The following OSBPL5 variants were observed in gnomAD, a reference collection of about 807,000 sequenced individuals.
The protein encoded by OSBPL5 is oxysterol binding protein like 5.
In OSBPL5, 71 loss-of-function variants were observed where a neutral mutation model predicts 111.2. That is an observed-to-expected ratio of 0.64 (90% CI 0.53 to 0.78). OSBPL5 has a LOEUF of 0.78. Ranked by LOEUF, OSBPL5 falls within the 30% of genes least tolerant of loss-of-function variation. The probability of loss-of-function intolerance (pLI) is 0.00; values close to 1 mark genes in which losing one functional copy is unlikely to be tolerated. For missense variants in OSBPL5, 1,210 were observed against 1,189.3 expected (o/e 1.02, Z -0.26); for synonymous variants, 549 against 513.9 (o/e 1.07, Z -0.93).
In OSBPL5 at chr11:3,129,051, A is replaced by T; in HGVS notation, c.98T>A (p.Leu33His). The T allele has an allele frequency of 6.3e-7, 1 of 1,587,408 alleles. No homozygotes were observed. The highest frequency in any genetic ancestry group is 8.6e-7 in the Non-Finnish European group (1 of 1,167,700). ...VDPRKLTRNLLLSGDNELYPL... is the reference protein window; with the variant it reads ...VDPRKLTRNLHLSGDNELYPL... ...GTAGAGCTCATTGTCTCCGCTGAGGAGCAAGTTCCGGGTGAGCTTCCGGGG... is the reference window on the plus strand; with the variant it reads ...GTAGAGCTCATTGTCTCCGCTGAGGTGCAAGTTCCGGGTGAGCTTCCGGGG... Residue 33 changes from leucine to histidine, a missense_variant, in exon 2 of 22, where the codon CTC (leucine) becomes CAC (histidine). Leu to His is a moderately conservative substitution (Grantham distance 99, BLOSUM62 -3). Coordinates refer to ENST00000263650, the MANE Select transcript of OSBPL5 (RefSeq NM_020896.4).
rs751539875 is a variant in OSBPL5 at position 3,103,223 on chromosome 11, G to C, written c.1326+16C>G. ...CTGGGCCGGAGCCCCACCCTCCCTG[G>C]CTGGCAGGGGCTCACCTTGGGCTTC... On this transcript the variant is annotated intron_variant, in intron 11 of 21. Transcript: ENST00000263650. 1.7e-4 allele frequency: 271 copies of C among 1,587,326 alleles called. 1 individual carries two copies. Among genetic ancestry groups the C allele is most frequent in the Non-Finnish European group, 2.0e-4 (229 of 1,165,876 alleles).
chr11:3,093,311 G>T, intron 17 of OSBPL5: 1 of 814,682 alleles, frequency 1.2e-6, no homozygotes, highest in Non-Finnish European at 1.9e-6. Context: ...GTGATGCAGT[G>T]AGAGGTCACG....
intron 7 of OSBPL5, 56 bp from the exon 8 acceptor site, chr11:3,108,001 C>T (rs1309479457): frequency 3.2e-6 from 5 of 1,566,538 alleles, no homozygotes; most frequent in Non-Finnish European, 4.3e-6. Context: ...ATCCCGCATC[C>T]CCCAAGGGGC....
chr11:3,103,876 CTCTGTAGCCCCATTCCTGCCTCTGCA>C (rs1564830834), intron 10 of OSBPL5, among the ~76,000 whole-genome samples: 9 of 103,304 alleles, frequency 8.7e-5, no homozygotes, highest in African/African-American at 4.1e-4. Context: ...CCCTTCCTGC[CTCTGTAGCCCCATTCCTGCCTCTGCA>C]GCCCCCTTCC....
intron 13 of OSBPL5, 64 bp from the exon 14 acceptor site, chr11:3,100,320 C>T: frequency 6.9e-7 from 1 of 1,449,080 alleles, no homozygotes; most frequent in Non-Finnish European, 9.6e-7. Context: ...TGAGGCCACC[C>T]CTAAGTCACA....
Position 3,101,551 on chromosome 11 carries a change from G to A in OSBPL5, c.1522+52C>T, listed in dbSNP as rs371872013. ...GTCCACTGGCTCCCGGAGTCCTCCC[G>A]ACCATCGCATTTCCCTGAGGCCCCA... On this transcript the variant is annotated intron_variant, in intron 13 of 21. Coordinates refer to ENST00000263650, the MANE Select transcript of OSBPL5 (RefSeq NM_020896.4). The A allele has an allele frequency of 4.5e-5, 69 of 1,530,766 alleles. No homozygotes were observed. In the Middle Eastern group the frequency reaches 5.1e-4, roughly 11 times the overall value. 94.8% of individuals were successfully genotyped at this position (1,530,766 alleles called of 1,614,324 possible).
At chr11:3,131,503 CCATCTATCCATCCATCCACCCATT>C (rs1858830780) in intron 1 of OSBPL5, among the ~76,000 whole-genome samples, 1 of 148,798 alleles carries the variant, frequency 6.7e-6, no homozygotes, top group Admixed American at 6.7e-5. Flanking sequence ...TACCATCCTC[CCATCTATCCATCCATCCACCCATT>C]CATCCATCCA....
intron 1 of OSBPL5, among the ~76,000 whole-genome samples, chr11:3,152,040 C>T (rs570127642): frequency 2.0e-4 from 31 of 152,344 alleles, no homozygotes; most frequent in African/African-American, 7.5e-4. Flanking sequence ...AGTGAGAAAG[C>T]GAGGCCTTCT....
chr11:3,160,534 T>C (rs908055500), intron 1 of OSBPL5, among the ~76,000 whole-genome samples: 1 of 152,042 alleles, frequency 6.6e-6, no homozygotes, highest in African/African-American at 2.4e-5. Context: ...TAGTTGACTC[T>C]GTCTTATTCG....
In OSBPL5 at chr11:3,104,465, C is replaced by T; in HGVS notation, c.1060-88G>A. On this transcript the variant is annotated intron_variant, in intron 9 of 21. Coordinates refer to ENST00000263650, the MANE Select transcript of OSBPL5 (RefSeq NM_020896.4). This position sits in a 1 kb window ranked among gnomAD's most constrained non-coding sequence, Gnocchi z 5.0. ...CAGTGGCAGCTCTGGCTGGAGGAGG[C>T]TGTACCTGCCACCCCTTAGGGTGTA... The T allele has an allele frequency of 1.4e-6, 2 of 1,429,486 alleles. No homozygotes were observed. The highest frequency in any genetic ancestry group is 1.9e-6 in the Non-Finnish European group (2 of 1,059,806). The allele number at this position is 1,429,486 out of a possible 1,614,324, so 88.6% of individuals were successfully genotyped here. A position where few individuals can be genotyped will look rare whatever the true frequency, so the allele number is the denominator to read the frequency against.
Position 3,107,800 on chromosome 11 carries a change from G to A in OSBPL5, c.837C>T (p.Ala279=), listed in dbSNP as rs529369961. The A allele has an allele frequency of 6.2e-6, 10 of 1,612,552 alleles. No individual in the cohort carries two copies. The African/African-American group carries it at 1.1e-4, about 17-fold the overall frequency. Residue 279 remains alanine (A), a synonymous_variant, in exon 8 of 22, where the codon GCC becomes GCT. Transcript: ENST00000263650. The surrounding 1 kb of genome is among the most constrained non-coding windows in gnomAD (Gnocchi z 6.1). ...ACAGGTCTTGGTCTGGGTGGACGGT[G>A]GCTGAGGCTGGCAGCCCACAGAGCG... The part of the protein sequence containing the change: ...PSSLCGLPAS[A]TVHPDQDLFP...
intron 11 of OSBPL5, among the ~76,000 whole-genome samples, chr11:3,102,628 C>T (rs956200350): frequency 3.9e-5 from 6 of 152,086 alleles, no homozygotes; most frequent in Non-Finnish European, 7.4e-5. Context: ...AGAAGTCCTG[C>T]CTCTACCCCA....
rs4758526 is a variant in OSBPL5 at position 3,105,651 on chromosome 11, A to C, written c.1060-1274T>G. Reference sequence around the variant, plus strand: ...CTTCTCATCCTGCCCCACCTCTCGGACCAGCTGGCTCTGAGACACCTGGGC... The same window carrying C: ...CTTCTCATCCTGCCCCACCTCTCGGCCCAGCTGGCTCTGAGACACCTGGGC... On this transcript the variant is annotated intron_variant, in intron 9 of 21. Coordinates refer to ENST00000263650, the MANE Select transcript of OSBPL5 (RefSeq NM_020896.4). The surrounding 1 kb of genome is among the most constrained non-coding windows in gnomAD (Gnocchi z 5.2). 0.91 allele frequency among the ~76,000 whole-genome samples: 138,016 copies of C among 152,066 alleles called. 62,789 individuals carry two copies. Among genetic ancestry groups the C allele is most frequent in the African/African-American group, 0.97 (40,331 of 41,504 alleles).
chr11:3,094,371 AGCCCTGCTGAGCCCCAG>A (rs1857176481), intron 14 of OSBPL5, 37 bp from the exon 15 acceptor site: 3 of 1,540,446 alleles, frequency 1.9e-6, no homozygotes, highest in Non-Finnish European at 2.7e-6. Context: ...AGGCGGCCCC[AGCCCTGCTGAGCCCCAG>A]GCCCTGCTGA....
At chr11:3,138,315 C>G (rs950397217) in intron 1 of OSBPL5, among the ~76,000 whole-genome samples, 1 of 152,202 alleles carries the variant, frequency 6.6e-6, no homozygotes, top group Non-Finnish European at 1.5e-5. Flanking sequence ...CTGGCCCCAC[C>G]ACCTCCCAGC....
chr11:3,164,860 C>T (rs1366712760), intron 1 of OSBPL5, among the ~76,000 whole-genome samples: 1 of 152,160 alleles, frequency 6.6e-6, no homozygotes, highest in East Asian at 1.9e-4. Flanking sequence ...AGCCACCTTC[C>T]CTGGCGGTCC....
At chr11:3,158,301 T>C (rs917777777) in intron 1 of OSBPL5, among the ~76,000 whole-genome samples, 28 of 152,226 alleles carry the variant, frequency 1.8e-4, no homozygotes, top group African/African-American at 6.3e-4. Context: ...GGCGCTGGAG[T>C]GGGCGAGGGT....
In OSBPL5 at chr11:3,107,329, C is replaced by A; in HGVS notation, c.993G>T (p.Glu331Asp). The change falls in exon 9 of 22, where the codon GAG (glutamate) becomes GAT (aspartate). Residue 331 changes from glutamate to aspartate, a missense_variant. Transcript: ENST00000263650. The surrounding 1 kb of genome is among the most constrained non-coding windows in gnomAD (Gnocchi z 6.1). Reference protein sequence around the residue: ...RKTESGSDQSETPGAPVRRGT... With the variant: ...RKTESGSDQSDTPGAPVRRGT... The stretch of plus-strand genomic sequence containing the variant: ...CTCTCCGCACCGGGGCCCCAGGGGT[C>A]TCTGACTGGTCGCTGCCACTCTCCG... 1 of 1,613,962 alleles carries A rather than the reference C, an allele frequency of 6.2e-7. No homozygotes were observed.
chr11:3,103,327 T>C lies in OSBPL5; in HGVS notation c.1245-7A>G, dbSNP rs1196215301. On this transcript the variant is annotated splice_polypyrimidine_tract_variant and splice_region_variant and intron_variant, in intron 10 of 21. Coordinates refer to ENST00000263650, the MANE Select transcript of OSBPL5 (RefSeq NM_020896.4). Reference sequence around the variant, plus strand: ...ATCCTCCTCCACCGCAGCCCTGCCATGGGGCAGGAGAACGCTGACCCCAGC... The same window carrying C: ...ATCCTCCTCCACCGCAGCCCTGCCACGGGGCAGGAGAACGCTGACCCCAGC... 2 of 1,601,398 alleles carry C rather than the reference T, an allele frequency of 1.2e-6. No homozygotes were observed. The highest frequency in any genetic ancestry group is 1.7e-6 in the Non-Finnish European group (2 of 1,173,526).
Sources: allele counts gnomAD v4.1 joint callset (sites outside exome capture counted in the v4.1 genomes callset), GRCh38; gene constraint gnomAD v4.1.1; non-coding constraint Gnocchi (gnomAD v3.1); transcripts MANE v1.5; gene names NCBI Gene and HGNC (gene_info 2026-07-23, HGNC 2026-07-21).